KDM2A: variants seen among roughly 807,000 people sequenced by gnomAD.
KDM2A encodes lysine demethylase 2A.
In KDM2A, 3 loss-of-function variants were observed where a neutral mutation model predicts 137.3. That is an observed-to-expected ratio of 0.02 (90% confidence interval 0.01 to 0.06). The LOEUF (loss-of-function observed/expected upper bound fraction) is 0.06. Among genes scored for constraint, KDM2A ranks in the 10% least tolerant of loss-of-function variants. KDM2A has a pLI of 1.00. For missense variants in KDM2A, 738 were observed against 1,510.6 expected (o/e 0.49, Z 8.48); for synonymous variants, 512 against 541.5 (o/e 0.95, Z 0.76).
intron 5 of KDM2A, among the ~76,000 whole-genome samples, chr11:67,191,345 T>C (rs1442425124): frequency 6.6e-6 from 1 of 152,152 alleles, no homozygotes; most frequent in Non-Finnish European, 1.5e-5. Context: ...TTCTTAAGTC[T>C]TTCTGTGAGG....
chr11:67,237,696 C>G (rs966846030), intron 12 of KDM2A, among the ~76,000 whole-genome samples: 1 of 151,800 alleles, frequency 6.6e-6, no homozygotes, highest in African/African-American at 2.4e-5. Flanking sequence ...GCCTATAATT[C>G]CAGCACTTTG....
chr11:67,127,703 A>T (rs11227697), intron 2 of KDM2A, among the ~76,000 whole-genome samples: 6,341 of 151,668 alleles, frequency 0.042, 162 homozygotes, highest in Admixed American at 0.073. Context: ...TAAATTAATT[A>T]ATTTATTTAT....
chr11:67,124,862 CTT>C (rs1266365913), intron 2 of KDM2A, among the ~76,000 whole-genome samples: 14 of 142,482 alleles, frequency 9.8e-5, no homozygotes, highest in Non-Finnish European at 1.2e-4. Context: ...CTTTTTCTTT[CTT>C]TTTTTTTTTT....
intron 2 of KDM2A, among the ~76,000 whole-genome samples, chr11:67,169,380 CTTT>C (rs1169905276): frequency 6.0e-5 from 8 of 132,620 alleles, no homozygotes; most frequent in Admixed American, 7.6e-5. Flanking sequence ...CTTTCTTTTT[CTTT>C]TTTTTTTTTT....
intron 5 of KDM2A, among the ~76,000 whole-genome samples, chr11:67,194,546 G>A (rs1032593975): frequency 1.8e-4 from 27 of 152,130 alleles, no homozygotes; most frequent in African/African-American, 4.1e-4. Context: ...TAAATACTGC[G>A]AGAAGGTAAA....
intron 2 of KDM2A, among the ~76,000 whole-genome samples, chr11:67,134,957 G>C (rs1408847009): frequency 6.6e-6 from 1 of 152,066 alleles, no homozygotes; most frequent in African/African-American, 2.4e-5. Flanking sequence ...CCTCAACCCA[G>C]TTGCATATTT....
At chr11:67,166,358 CA>C (rs1856744973) in intron 2 of KDM2A, among the ~76,000 whole-genome samples, 1 of 151,478 alleles carries the variant, frequency 6.6e-6, no homozygotes, top group Non-Finnish European at 1.5e-5. Context: ...CTAATTTTCA[CA>C]TTTTTTAGTA....
chr11:67,230,072 A>G (rs532143125), intron 11 of KDM2A, among the ~76,000 whole-genome samples: 78 of 151,950 alleles, frequency 5.1e-4, no homozygotes, highest in African/African-American at 1.8e-3. Flanking sequence ...GCTATTTGGG[A>G]GGCTGAGGCA....
intron 10 of KDM2A, among the ~76,000 whole-genome samples, chr11:67,220,470 A>ACT (rs754336823): frequency 1.6e-4 from 25 of 152,176 alleles, no homozygotes; most frequent in Non-Finnish European, 3.1e-4. Context: ...TGATGACTAT[A>ACT]CTCAAAGCAT....
intron 12 of KDM2A, among the ~76,000 whole-genome samples, chr11:67,238,284 G>A (rs947025668): frequency 5.3e-5 from 8 of 152,018 alleles, no homozygotes; most frequent in African/African-American, 1.9e-4. Context: ...CTTTCCTGGT[G>A]GCCTCTAGAA....
chr11:67,220,589 T>G (rs1296798288), intron 10 of KDM2A, among the ~76,000 whole-genome samples: 2 of 152,170 alleles, frequency 1.3e-5, no homozygotes, highest in Admixed American at 1.3e-4. Flanking sequence ...CATTTTTCTC[T>G]AGGATGATAC....
At chr11:67,249,676 C>T (rs989428929) in intron 16 of KDM2A, among the ~76,000 whole-genome samples, 5 of 152,138 alleles carry the variant, frequency 3.3e-5, no homozygotes, top group Non-Finnish European at 7.4e-5. Flanking sequence ...GAGTGGAAGA[C>T]GCAGCCTGGT....
chr11:67,157,228 G>A (rs901761210), intron 2 of KDM2A, among the ~76,000 whole-genome samples: 2 of 149,936 alleles, frequency 1.3e-5, no homozygotes, highest in Admixed American at 6.7e-5. Flanking sequence ...CAGGAGAATG[G>A]CATGAACCCG....
At chr11:67,180,438 G>A (rs1279444842) in intron 3 of KDM2A, 4 of 392,282 alleles carry the variant, frequency 1.0e-5, no homozygotes, top group Non-Finnish European at 1.8e-5. Context: ...TATTAGGGCA[G>A]GAGTATTGTT....
In KDM2A at chr11:67,250,463, C is replaced by T. The variant is rs774984510; in HGVS notation, c.2433C>T (p.His811=). ...VTLQRPTKEL[H]GTSIVPKLQA... ...TACAGAGGCCCACCAAAGAGCTCCA[C>T]GGGACATCCATTGTGCCCAAGCTGC... The change falls in exon 17 of 21, where the codon CAC becomes CAT. Residue 811 remains histidine (H), a synonymous_variant. Transcript: ENST00000529006. This position sits in a 1 kb window ranked among gnomAD's most constrained non-coding sequence, Gnocchi z 7.1. The T allele has an allele frequency of 4.4e-5, 71 of 1,613,956 alleles. No homozygotes were observed. The Admixed American group carries it at 5.8e-4, about 13-fold the overall frequency.
At chr11:67,123,480 T>C (rs147989582) in intron 2 of KDM2A, among the ~76,000 whole-genome samples, 86 of 152,144 alleles carry the variant, frequency 5.7e-4, no homozygotes, top group African/African-American at 1.9e-3. Flanking sequence ...ATCGTTGGGA[T>C]TTATTTTTAT....
At chr11:67,215,764 A>AG (rs1448360024) in intron 7 of KDM2A, 92 bp from the exon 8 acceptor site, 2 of 857,924 alleles carry the variant, frequency 2.3e-6, no homozygotes, top group Non-Finnish European at 3.9e-6. Context: ...TGGAAGATAA[A>AG]GGGAGTATAT....
In KDM2A at chr11:67,256,850, C is replaced by G. The variant is rs926939227; in HGVS notation, c.*1795C>G. 1 of 152,670 alleles carries G rather than the reference C, an allele frequency of 6.6e-6. No homozygotes were observed. The highest frequency in any genetic ancestry group is 1.5e-5 in the Non-Finnish European group (1 of 68,056). 9.5% of individuals were successfully genotyped at this position (152,670 alleles called of 1,614,324 possible). A position where few individuals can be genotyped will look rare whatever the true frequency, so the allele number is the denominator to read the frequency against. On this transcript the variant is annotated 3_prime_UTR_variant, in exon 21 of 21. Transcript: ENST00000529006. ...TGCTGAATCTTTTGACTGCACCTTACAAACAGCAGTCTGCTCCCATGACCC... is the reference window on the plus strand; with the variant it reads ...TGCTGAATCTTTTGACTGCACCTTAGAAACAGCAGTCTGCTCCCATGACCC...
intron 2 of KDM2A, among the ~76,000 whole-genome samples, chr11:67,154,709 G>T (rs962783928): frequency 6.6e-6 from 1 of 152,158 alleles, no homozygotes; most frequent in Non-Finnish European, 1.5e-5. Flanking sequence ...AAAGTGTTGG[G>T]ATTACAGGCA....
Sources: allele counts gnomAD v4.1 joint callset (sites outside exome capture counted in the v4.1 genomes callset), GRCh38; gene constraint gnomAD v4.1.1; non-coding constraint Gnocchi (gnomAD v3.1); transcripts MANE v1.5; gene names NCBI Gene and HGNC (gene_info 2026-07-23, HGNC 2026-07-21).